DOCK3: variants seen among roughly 807,000 people sequenced by gnomAD.
DOCK3 encodes the protein dedicator of cytokinesis protein 3.
A neutral mutation model predicts 265.6 loss-of-function variants in DOCK3; 60 were observed. The observed-to-expected ratio is 0.23, with a 90% CI of 0.18 to 0.28. The LOEUF (loss-of-function observed/expected upper bound fraction) is 0.28. DOCK3 is among the 10% of genes least tolerant of loss of function. The probability of loss-of-function intolerance (pLI) is 1.00; values close to 1 mark genes in which losing one functional copy is unlikely to be tolerated. For missense variants in DOCK3, 1,981 were observed against 2,594.3 expected (o/e 0.76, Z 5.14); for synonymous variants, 881 against 938.0 (o/e 0.94, Z 1.11).
intron 5 of DOCK3, among the ~76,000 whole-genome samples, chr3:50,941,792 T>G (rs951868921): frequency 3.3e-5 from 5 of 152,078 alleles, no homozygotes; most frequent in African/African-American, 1.2e-4. Flanking sequence ...CTTAAAAAAA[T>G]GTACCTTCAA....
chr3:51,378,063 G>A (rs968826726), intron 51 of DOCK3, among the ~76,000 whole-genome samples: 2 of 152,098 alleles, frequency 1.3e-5, no homozygotes, highest in African/African-American at 4.8e-5. Flanking sequence ...GCCTGTTCTT[G>A]GGATGGCTCA....
At chr3:51,038,774 CT>C (rs2080367224) in intron 5 of DOCK3, among the ~76,000 whole-genome samples, 1 of 152,046 alleles carries the variant, frequency 6.6e-6, no homozygotes, top group Non-Finnish European at 1.5e-5. Context: ...ATGATCCTCT[CT>C]AATCTTATTT....
At chr3:51,036,441 A>G (rs1175378012) in intron 5 of DOCK3, among the ~76,000 whole-genome samples, 1 of 152,168 alleles carries the variant, frequency 6.6e-6, no homozygotes, top group Non-Finnish European at 1.5e-5. Flanking sequence ...ACAGTCTGAG[A>G]GATGATTCAT....
intron 5 of DOCK3, among the ~76,000 whole-genome samples, chr3:50,999,718 C>A (rs1387247686): frequency 6.6e-6 from 1 of 152,190 alleles, no homozygotes. Flanking sequence ...CTGCTTCCCA[C>A]CTCAGACTTC....
chr3:51,303,074 G>C (rs1405666083), intron 27 of DOCK3, among the ~76,000 whole-genome samples: 1 of 151,920 alleles, frequency 6.6e-6, no homozygotes, highest in Non-Finnish European at 1.5e-5. Flanking sequence ...CGTAGGTTCA[G>C]TCTTTTTACA....
At position 51,310,151 on chromosome 3, in the gene DOCK3, C is replaced by A. The variant is rs893024885; in HGVS notation, c.2923-81C>A. 3 of 1,060,544 alleles carry A rather than the reference C, an allele frequency of 2.8e-6. No homozygotes were observed. In the Admixed American group the frequency reaches 6.0e-5, roughly 21 times the overall value. 65.7% of individuals were successfully genotyped at this position (1,060,544 alleles called of 1,614,324 possible). A position where few individuals can be genotyped will look rare whatever the true frequency, so the allele number is the denominator to read the frequency against. ...CACTGGTCCCACCCATTGTCATGAT[C>A]TAGTGGCGGCCAGGAGTGGCCTATT... On this transcript the variant is annotated intron_variant, in intron 27 of 52. Coordinates refer to ENST00000266037, the MANE Select transcript of DOCK3 (RefSeq NM_004947.5).
intron 32 of DOCK3, among the ~76,000 whole-genome samples, chr3:51,328,775 T>A (rs887445797): frequency 3.3e-5 from 5 of 152,208 alleles, no homozygotes; most frequent in African/African-American, 9.6e-5. Context: ...GGCTTCTGTT[T>A]ATAGTACATT....
chr3:50,959,242 T>C (rs1178975894), intron 5 of DOCK3, among the ~76,000 whole-genome samples: 1 of 152,184 alleles, frequency 6.6e-6, no homozygotes, highest in Admixed American at 6.5e-5. Context: ...ATATAAAGTG[T>C]CCAGCATGAT....
At chr3:50,799,480 T>C (rs11915036) in intron 2 of DOCK3, among the ~76,000 whole-genome samples, 6,397 of 152,254 alleles carry the variant, frequency 0.042, 188 homozygotes, top group Non-Finnish European at 0.066. Flanking sequence ...CAATTGTAAA[T>C]AGGATTGCCT....
At chr3:50,994,806 T>G (rs2078222361) in intron 5 of DOCK3, among the ~76,000 whole-genome samples, 1 of 152,088 alleles carries the variant, frequency 6.6e-6, no homozygotes, top group Non-Finnish European at 1.5e-5. Flanking sequence ...ATGTGAGAGT[T>G]CAATTAGATA....
chr3:51,191,104 T>A (rs909112562), intron 12 of DOCK3, among the ~76,000 whole-genome samples: 6 of 152,022 alleles, frequency 3.9e-5, no homozygotes, highest in African/African-American at 1.2e-4. Context: ...CTGTCTACAC[T>A]CAGAACTCGA....
intron 3 of DOCK3, among the ~76,000 whole-genome samples, chr3:50,872,849 G>T (rs903533734): frequency 2.6e-5 from 4 of 152,200 alleles, no homozygotes; most frequent in African/African-American, 9.6e-5. Flanking sequence ...CCTACTGCCA[G>T]ACTACCACCA....
intron 2 of DOCK3, among the ~76,000 whole-genome samples, chr3:50,789,924 G>A (rs1479218984): frequency 6.6e-6 from 1 of 152,072 alleles, no homozygotes; most frequent in African/African-American, 2.4e-5. Context: ...AGTAGAGATG[G>A]GGTTTCGCCA....
intron 2 of DOCK3, chr3:50,787,870 AC>A: frequency 9.4e-7 from 1 of 1,065,204 alleles, no homozygotes; most frequent in Non-Finnish European, 1.4e-6. Context: ...GAGAAGAGGT[AC>A]CCTTTTCCCC....
At chr3:51,230,348 G>A (rs1357071603) in intron 19 of DOCK3, among the ~76,000 whole-genome samples, 1 of 152,118 alleles carries the variant, frequency 6.6e-6, no homozygotes, top group African/African-American at 2.4e-5. Context: ...TTAGCTCCCA[G>A]TTACAAGTGA....
At chr3:51,249,398 C>T (rs2079052420) in intron 22 of DOCK3, among the ~76,000 whole-genome samples, 1 of 136,064 alleles carries the variant, frequency 7.3e-6, no homozygotes, top group African/African-American at 2.8e-5. Context: ...CCCCGCCCGG[C>T]CAGCCGCCCC....
chr3:51,328,334 C>T (rs576505678), intron 32 of DOCK3, among the ~76,000 whole-genome samples: 4 of 152,244 alleles, frequency 2.6e-5, no homozygotes, highest in African/African-American at 7.2e-5. Context: ...TATAATCAGG[C>T]CCGTCTCTTG....
chr3:50,793,323 C>T (rs927641203), intron 2 of DOCK3, among the ~76,000 whole-genome samples: 2 of 150,082 alleles, frequency 1.3e-5, no homozygotes, highest in Non-Finnish European at 3.0e-5. Context: ...TCTAGCTAGC[C>T]ATCTATCTGT....
At chr3:51,355,325 G>A (rs946679999) in intron 41 of DOCK3, among the ~76,000 whole-genome samples, 4 of 152,202 alleles carry the variant, frequency 2.6e-5, no homozygotes, top group African/African-American at 9.6e-5. Flanking sequence ...TGAGGAGTCT[G>A]CCCAGGCAGC....
Sources: gnomAD v4.1 joint callset for allele counts (sites outside exome capture counted in the v4.1 genomes callset) on GRCh38, gnomAD v4.1.1 for gene constraint, MANE v1.5 for transcripts, NCBI Gene and HGNC (gene_info 2026-07-23, HGNC 2026-07-21) for gene names.